Variants in FBXL17 observed in about 807,000 individuals in gnomAD.
The protein encoded by FBXL17 is F-box/LRR-repeat protein 17.
A neutral mutation model predicts 66.2 loss-of-function variants in FBXL17; 22 were observed. The observed-to-expected ratio is 0.33, with a 90% CI of 0.24 to 0.47. The LOEUF (loss-of-function observed/expected upper bound fraction) is 0.47. FBXL17 is among the 20% of genes least tolerant of loss of function. FBXL17 has a pLI of 1.00. For missense variants in FBXL17, 878 were observed against 948.2 expected (o/e 0.93, Z 0.97); for synonymous variants, 474 against 400.5 (o/e 1.18, Z -2.19).
Position 108,224,111 on chromosome 5 carries a change from T to C in FBXL17, c.1614+10A>G, listed in dbSNP as rs376239821. 1.3e-4 allele frequency: 193 copies of C among 1,460,930 alleles called. 1 individual carries two copies. The highest frequency in any genetic ancestry group is 1.6e-4 in the Non-Finnish European group (168 of 1,045,950). The allele number at this position is 1,460,930 out of a possible 1,614,324, so 90.5% of individuals were successfully genotyped here. The stretch of plus-strand genomic sequence containing the variant: ...CAAAAATACCAAGGAAAAGCAGCCA[T>C]AGTACCTACCTTGGTTAGGTGAATG... On this transcript the variant is annotated intron_variant, in intron 5 of 8. Transcript: ENST00000542267.
At chr5:108,192,819 A>G (rs1753522634) in intron 5 of FBXL17, among the ~76,000 whole-genome samples, 1 of 152,092 alleles carries the variant, frequency 6.6e-6, no homozygotes, top group South Asian at 2.1e-4. Context: ...AGAAAAGATC[A>G]GACCAGACCT....
chr5:108,381,191 C>T lies in FBXL17; in HGVS notation c.501G>A (p.Val167=), dbSNP rs1580939672. 7 of 1,440,048 alleles carry T rather than the reference C, an allele frequency of 4.9e-6. No homozygotes were observed. In the East Asian group the frequency reaches 2.1e-4, roughly 44 times the overall value. 89.2% of individuals were successfully genotyped at this position (1,440,048 alleles called of 1,614,324 possible). A position where few individuals can be genotyped will look rare whatever the true frequency, so the allele number is the denominator to read the frequency against. ...RSLFLASLGP[V]RFLGPPAAVQ... ...CGGCGGCGGGCGGCCCCAGGAAGCG[C>T]ACCGGCCCCAAGCTGGCCAGGAAGA... Residue 167 remains valine (V), a synonymous_variant, in exon 1 of 9, where the codon GTG becomes GTA. Coordinates refer to ENST00000542267, the MANE Select transcript of FBXL17 (RefSeq NM_001163315.3).
chr5:108,119,454 T>C lies in FBXL17; in HGVS notation c.1745+66663A>G, dbSNP rs1218096545. ...GCCCAGCCAGCTGTGAAGTTCTTCCTAGCCTTGCTCAGTTGGAAGCAGCAT... is the reference window on the plus strand; with the variant it reads ...GCCCAGCCAGCTGTGAAGTTCTTCCCAGCCTTGCTCAGTTGGAAGCAGCAT... On this transcript the variant is annotated intron_variant, in intron 6 of 8. Transcript: ENST00000542267. 5.9e-5 allele frequency among the ~76,000 whole-genome samples: 9 copies of C among 152,320 alleles called. No homozygotes were observed. The South Asian group carries it at 1.9e-3, about 32-fold the overall frequency.
chr5:108,003,696 A>C (rs1258854644), intron 7 of FBXL17, among the ~76,000 whole-genome samples: 2 of 152,338 alleles, frequency 1.3e-5, no homozygotes, highest in South Asian at 2.1e-4. Flanking sequence ...ATGATCACTG[A>C]AATTAAAAAT....
Position 108,381,134 on chromosome 5 carries a change from C to T in FBXL17, c.558G>A (p.Pro186=), listed in dbSNP as rs1181956471. The T allele has an allele frequency of 2.2e-6, 3 of 1,378,582 alleles. No individual in the cohort carries two copies. Among genetic ancestry groups the T allele is most frequent in the Admixed American group, 3.3e-5 (1 of 30,212 alleles). The allele number at this position is 1,378,582 out of a possible 1,614,324, so 85.4% of individuals were successfully genotyped here. ...TTTCGGGGGGCGTAGGGAGCTCGGC[C>T]GGTGACGGTGTCGGCCCCCGGAAGA... ...VQLFRGPTPS[P]AELPTPPEMV... is the part of the protein sequence containing the mutation. The change falls in exon 1 of 9, where the codon CCG becomes CCA. Residue 186 remains proline, a synonymous_variant. Transcript: ENST00000542267.
intron 6 of FBXL17, among the ~76,000 whole-genome samples, chr5:108,172,184 T>C (rs1752631344): frequency 6.6e-6 from 1 of 152,214 alleles, no homozygotes; most frequent in South Asian, 2.1e-4. Context: ...ACTTCCATCT[T>C]CATGTGATTT....
chr5:108,297,452 T>C (rs1448329610), intron 4 of FBXL17, among the ~76,000 whole-genome samples: 4 of 151,658 alleles, frequency 2.6e-5, no homozygotes, highest in African/African-American at 4.8e-5. Flanking sequence ...TCTCCATATA[T>C]ATAGGAATAA....
chr5:108,129,966 T>C (rs1376475971), intron 6 of FBXL17, among the ~76,000 whole-genome samples: 2 of 151,860 alleles, frequency 1.3e-5, no homozygotes, highest in East Asian at 1.9e-4. Flanking sequence ...TCAATACAAG[T>C]TCCGATAAGT....
intron 5 of FBXL17, among the ~76,000 whole-genome samples, chr5:108,199,541 T>C (rs73778683): frequency 0.05 from 7,545 of 152,222 alleles, 630 homozygotes; most frequent in African/African-American, 0.17. Flanking sequence ...TTAGTCTTAA[T>C]TGTCATGTAA....
chr5:108,098,204 AT>A (rs1179395664), intron 6 of FBXL17, among the ~76,000 whole-genome samples: 1 of 152,132 alleles, frequency 6.6e-6, no homozygotes, highest in East Asian at 1.9e-4. Context: ...TGCAAAGATG[AT>A]TTTCCTGTCT....
At position 108,158,854 on chromosome 5, in the gene FBXL17, A is replaced by C. The variant is rs2150004540; in HGVS notation, c.1745+27263T>G. Reference sequence around the variant, plus strand: ...TTCAGATTAGGGAATTTAAGACAATAGCATCTGGAAGCTAAAACAATAAAA... The same window carrying C: ...TTCAGATTAGGGAATTTAAGACAATCGCATCTGGAAGCTAAAACAATAAAA... On this transcript the variant is annotated intron_variant, in intron 6 of 8. Transcript: ENST00000542267. 1.3e-5 allele frequency among the ~76,000 whole-genome samples: 2 copies of C among 152,318 alleles called. 1 individual carries two copies. Among genetic ancestry groups the C allele is most frequent in the Middle Eastern group, 6.8e-3 (2 of 294 alleles).
At chr5:107,880,726 T>C (rs1748760627) in intron 8 of FBXL17, 1 of 1,288,406 alleles carries the variant, frequency 7.8e-7, no homozygotes, top group Non-Finnish European at 9.8e-7. Flanking sequence ...CAGTTTGTCA[T>C]GTAATCTTTT....
At chr5:107,928,037 T>C (rs1396794272) in intron 7 of FBXL17, among the ~76,000 whole-genome samples, 1 of 152,064 alleles carries the variant, frequency 6.6e-6, no homozygotes, top group Non-Finnish European at 1.5e-5. Flanking sequence ...AAGGCTACCC[T>C]AGGAAAGGAG....
At chr5:108,130,337 T>A (rs1354720099) in intron 6 of FBXL17, among the ~76,000 whole-genome samples, 1 of 151,910 alleles carries the variant, frequency 6.6e-6, no homozygotes, top group Non-Finnish European at 1.5e-5. Flanking sequence ...CAAATCTTAG[T>A]AATCAAGAAG....
At chr5:108,261,759 C>T (rs1472637709) in intron 4 of FBXL17, among the ~76,000 whole-genome samples, 2 of 150,704 alleles carry the variant, frequency 1.3e-5, no homozygotes, top group African/African-American at 4.9e-5. Flanking sequence ...TAAACACAAG[C>T]TTAAAAAAAA....
intron 6 of FBXL17, among the ~76,000 whole-genome samples, chr5:108,109,079 A>G (rs1749929474): frequency 1.3e-5 from 2 of 152,038 alleles, no homozygotes; most frequent in African/African-American, 4.8e-5. Context: ...CACTGCGCCC[A>G]GCCAAGACTC....
At chr5:107,917,138 T>C (rs1750157174) in intron 7 of FBXL17, among the ~76,000 whole-genome samples, 1 of 152,230 alleles carries the variant, frequency 6.6e-6, no homozygotes, top group African/African-American at 2.4e-5. Context: ...CCGCCACTAC[T>C]ATTACAATTA....
intron 4 of FBXL17, among the ~76,000 whole-genome samples, chr5:108,340,899 T>C (rs1352649102): frequency 6.6e-6 from 1 of 152,188 alleles, no homozygotes; most frequent in East Asian, 1.9e-4. Flanking sequence ...ATCAGCAAGA[T>C]ACATCTCTAA....
In FBXL17 at chr5:108,172,664, G is replaced by A. The variant is rs182750001; in HGVS notation, c.1745+13453C>T. Among the ~76,000 whole-genome samples the A allele has an allele frequency of 2.3e-3, 345 of 152,216 alleles. 4 individuals are homozygous for A. Among genetic ancestry groups the A allele is most frequent in the Non-Finnish European group, 1.6e-3 (108 of 68,008 alleles). ...CAGAAGACCAAGATCCAGACTCAACGTCTGATACCATCATTTAAGTTGCTT... is the reference window on the plus strand; with the variant it reads ...CAGAAGACCAAGATCCAGACTCAACATCTGATACCATCATTTAAGTTGCTT... On this transcript the variant is annotated intron_variant, in intron 6 of 8. Transcript: ENST00000542267.
Sources: allele counts gnomAD v4.1 joint callset (sites outside exome capture counted in the v4.1 genomes callset), GRCh38; gene constraint gnomAD v4.1.1; transcripts MANE v1.5; gene names NCBI Gene and HGNC (gene_info 2026-07-23, HGNC 2026-07-21).